The following ZNF365 variants were observed in gnomAD, a reference collection of about 807,000 sequenced individuals.
ZNF365 encodes zinc finger protein 365.
ZNF365 carries 22 observed loss-of-function variants against 35.0 expected under a neutral mutation model. That is an observed-to-expected ratio of 0.63 (90% CI 0.45 to 0.90). The LOEUF is 0.90. Among genes scored for constraint, ZNF365 ranks in the 40% least tolerant of loss-of-function variants. The pLI, the probability that ZNF365 is intolerant of heterozygous loss-of-function variation, is 0.00. For synonymous variants in ZNF365, 188 were observed against 196.2 expected (o/e 0.96, Z 0.35); for missense variants, 448 against 500.3 (o/e 0.90, Z 1.00).
Position 62,388,529 on chromosome 10 carries a change from C to A in ZNF365, c.877C>A (p.Gln293Lys). ...ELAEKQLEYYQSQQASGFVRD... is the reference protein window; with the variant it reads ...ELAEKQLEYYKSQQASGFVRD... ...GGCGGAGAAGCAGCTTGAGTACTAT[C>A]AGAGCCAGCAGGCCTCTGGCTTTGT... is the stretch of plus-strand genomic sequence containing the variant. Residue 293 changes from glutamine (Q) to lysine (K), a missense_variant, in exon 3 of 5, where the codon CAG (glutamine) becomes AAG (lysine). Gln to Lys is a moderately conservative substitution (Grantham distance 53). Around this residue, in one of 3 missense-constraint regions of ZNF365, gnomAD observed 362 missense variants for 375.7 expected, o/e 0.96. Transcript: ENST00000395254. 6.2e-7 allele frequency: 1 copy of A among 1,614,100 alleles called. No homozygotes were observed. Among genetic ancestry groups the A allele is most frequent in the Non-Finnish European group, 8.5e-7 (1 of 1,180,024 alleles).
At chr10:62,383,061 C>A (rs1056035522) in intron 2 of ZNF365, among the ~76,000 whole-genome samples, 1 of 152,162 alleles carries the variant, frequency 6.6e-6, no homozygotes, top group African/African-American at 2.4e-5. Context: ...TGGTTTTATG[C>A]CCCAGTACTT....
In ZNF365 at chr10:62,376,057, T is replaced by A. The variant is rs185382521; in HGVS notation, c.-13-124T>A. On this transcript the variant is annotated intron_variant, in intron 1 of 4. Transcript: ENST00000395254. ...TGGGCTGTAGGTTTTAAGTGCAACA[T>A]AAAATATTATGTGCAAAAGTCACTT... 2.1e-4 allele frequency: 229 copies of A among 1,072,404 alleles called. 1 individual carries two copies. The African/African-American group carries it at 3.1e-3, about 15-fold the overall frequency. 66.4% of individuals were successfully genotyped at this position (1,072,404 alleles called of 1,614,324 possible).
At chr10:62,435,651 C>T (rs1840395664) in intron 3 of ZNF365, among the ~76,000 whole-genome samples, 1 of 152,136 alleles carries the variant, frequency 6.6e-6, no homozygotes, top group African/African-American at 2.4e-5. Flanking sequence ...GCTTGATCAT[C>T]AGAAATGAAA....
At chr10:62,470,484 A>G (rs1841015856) in intron 4 of ZNF365, among the ~76,000 whole-genome samples, 1 of 152,238 alleles carries the variant, frequency 6.6e-6, no homozygotes. Context: ...TTGCATGCAT[A>G]CACAGGATAA....
chr10:62,448,314 C>T (rs1456231551), intron 3 of ZNF365, among the ~76,000 whole-genome samples: 1 of 152,084 alleles, frequency 6.6e-6, no homozygotes, highest in Non-Finnish European at 1.5e-5. Context: ...GAGACAGAGT[C>T]CCTTTCCCAC....
At chr10:62,386,144 G>A (rs1202211474) in intron 2 of ZNF365, among the ~76,000 whole-genome samples, 1 of 152,178 alleles carries the variant, frequency 6.6e-6, no homozygotes, top group African/African-American at 2.4e-5. Context: ...AACCATGAAA[G>A]GGCTGGGGAT....
At chr10:62,446,953 C>A (rs17221319) in intron 3 of ZNF365, among the ~76,000 whole-genome samples, 58,181 of 151,964 alleles carry the variant, frequency 0.38, 13,062 homozygotes, top group East Asian at 0.55. Flanking sequence ...CTAATGTACA[C>A]CCTTTCTCAG....
intron 3 of ZNF365, among the ~76,000 whole-genome samples, chr10:62,436,350 AT>A (rs1442835173): frequency 6.6e-6 from 1 of 152,052 alleles, no homozygotes; most frequent in Non-Finnish European, 1.5e-5. Context: ...AAACTAAGTG[AT>A]TATTTTGGGG....
intron 3 of ZNF365, among the ~76,000 whole-genome samples, chr10:62,439,609 G>T (rs769456768): frequency 1.2e-4 from 18 of 152,156 alleles, no homozygotes; most frequent in Admixed American, 3.3e-4. Flanking sequence ...TTTGCATGAG[G>T]TTATAAAGGA....
At position 62,402,075 on chromosome 10, in the gene ZNF365, A is replaced by C; in HGVS notation, c.*2286A>C. 3.0e-6 allele frequency: 3 copies of C among 985,786 alleles called. No homozygotes were observed. The highest frequency in any genetic ancestry group is 3.6e-6 in the Non-Finnish European group (3 of 829,914). The allele number at this position is 985,786 out of a possible 1,614,324, so 61.1% of individuals were successfully genotyped here. A position where few individuals can be genotyped will look rare whatever the true frequency, so the allele number is the denominator to read the frequency against. On this transcript the variant is annotated 3_prime_UTR_variant, in exon 5 of 5. Coordinates refer to ENST00000395254, the MANE Select transcript of ZNF365 (RefSeq NM_014951.3). ...CATACCATGGCCTGAGCTAAGTACC[A>C]TGTCCTGTTTGTGTCTTATTTTTAA... is the stretch of plus-strand genomic sequence containing the variant.
chr10:62,413,595 T>C (rs994372045), intron 3 of ZNF365, among the ~76,000 whole-genome samples: 1 of 152,160 alleles, frequency 6.6e-6, no homozygotes, highest in African/African-American at 2.4e-5. Context: ...TTAGATGATT[T>C]AGGGTGTACC....
intron 2 of ZNF365, among the ~76,000 whole-genome samples, chr10:62,379,638 C>G (rs905000787): frequency 3.3e-5 from 5 of 152,014 alleles, no homozygotes; most frequent in South Asian, 4.2e-4. Flanking sequence ...TCTGGCCTCC[C>G]CACCCCCGCA....
intron 2 of ZNF365, among the ~76,000 whole-genome samples, chr10:62,381,205 C>A (rs1469747166): frequency 6.6e-6 from 1 of 152,080 alleles, no homozygotes; most frequent in African/African-American, 2.4e-5. Context: ...GCATTGATGG[C>A]CAGAAGAGAG....
intron 3 of ZNF365, among the ~76,000 whole-genome samples, chr10:62,458,476 A>G (rs1383708414): frequency 6.6e-6 from 1 of 151,554 alleles, no homozygotes; most frequent in African/African-American, 2.4e-5. Context: ...GAACACACAC[A>G]CACACACACA....
At chr10:62,375,309 A>G (rs1194356412) in intron 1 of ZNF365, among the ~76,000 whole-genome samples, 2 of 152,202 alleles carry the variant, frequency 1.3e-5, no homozygotes, top group Non-Finnish European at 2.9e-5. Flanking sequence ...AGAGGTTGTC[A>G]TATAAAATAG....
chr10:62,467,355 T>C (rs1437221751), intron 4 of ZNF365, among the ~76,000 whole-genome samples: 2 of 152,212 alleles, frequency 1.3e-5, no homozygotes, highest in Non-Finnish European at 2.9e-5. Context: ...AAGTGAAAAC[T>C]GGCTGTGAAG....
Position 62,388,527 on chromosome 10 carries a change from A to G in ZNF365, c.875A>G (p.Tyr292Cys), listed in dbSNP as rs567008368. 18 of 1,614,136 alleles carry G rather than the reference A, an allele frequency of 1.1e-5. No homozygotes were observed. The East Asian group carries it at 1.6e-4, about 14-fold the overall frequency. The stretch of plus-strand genomic sequence containing the variant: ...CTGGCGGAGAAGCAGCTTGAGTACT[A>G]TCAGAGCCAGCAGGCCTCTGGCTTT... ...VELAEKQLEY[Y>C]QSQQASGFVR... The change falls in exon 3 of 5, where the codon TAT becomes TGT. Residue 292 changes from tyrosine (Y) to cysteine (C), a missense_variant. Tyr to Cys is a radical substitution (Grantham distance 194). Around this residue, in one of 3 missense-constraint regions of ZNF365, gnomAD observed 362 missense variants for 375.7 expected, o/e 0.96. Coordinates refer to ENST00000395254, the MANE Select transcript of ZNF365 (RefSeq NM_014951.3).
intron 3 of ZNF365, among the ~76,000 whole-genome samples, chr10:62,393,206 C>T (rs183715683): frequency 7.2e-4 from 110 of 152,292 alleles, no homozygotes; most frequent in Middle Eastern, 3.4e-3. Context: ...CCTGAAGGAC[C>T]TGCCTGAGGC....
chr10:62,400,901 C>T lies in ZNF365; in HGVS notation c.*1112C>T. ...ATTCTAAAGTAATTTCTGAAATAAACAATGCATGTAGGAGCCAGAATCTGA... is the reference window on the plus strand; with the variant it reads ...ATTCTAAAGTAATTTCTGAAATAAATAATGCATGTAGGAGCCAGAATCTGA... On this transcript the variant is annotated 3_prime_UTR_variant, in exon 5 of 5. Transcript: ENST00000395254. 2.0e-6 allele frequency: 2 copies of T among 985,508 alleles called. No individual in the cohort carries two copies. Among genetic ancestry groups the T allele is most frequent in the African/African-American group, 3.5e-5 (2 of 57,348 alleles). 61.0% of individuals were successfully genotyped at this position (985,508 alleles called of 1,614,324 possible). A position where few individuals can be genotyped will look rare whatever the true frequency, so the allele number is the denominator to read the frequency against.
Sources: gnomAD v4.1 joint callset for allele counts (sites outside exome capture counted in the v4.1 genomes callset) on GRCh38, gnomAD v4.1.1 for gene constraint, gnomAD v4.1.1 regional missense constraint, MANE v1.5 for transcripts, NCBI Gene and HGNC (gene_info 2026-07-23, HGNC 2026-07-21) for gene names.